Variants in PRDM16 observed in about 807,000 individuals in gnomAD.
PRDM16 encodes the protein histone-lysine N-methyltransferase PRDM16.
A neutral mutation model predicts 110.6 loss-of-function variants in PRDM16; 23 were observed. The ratio of observed to expected loss-of-function variants is 0.21; its 90% confidence interval spans 0.15 to 0.29. The LOEUF (loss-of-function observed/expected upper bound fraction) is 0.29, where lower values mean the gene tolerates loss of function less well. Ranked by LOEUF, PRDM16 falls within the 10% of genes least tolerant of loss-of-function variation. The probability of loss-of-function intolerance (pLI) is 1.00; values close to 1 mark genes in which losing one functional copy is unlikely to be tolerated. For synonymous variants in PRDM16, 799 were observed against 781.8 expected (o/e 1.02, Z -0.37); for missense variants, 1,615 against 1,794.3 (o/e 0.90, Z 1.81).
At chr1:3,158,978 G>C (rs1385623158) in intron 1 of PRDM16, among the ~76,000 whole-genome samples, 1 of 152,150 alleles carries the variant, frequency 6.6e-6, no homozygotes, top group Non-Finnish European at 1.5e-5. Flanking sequence ...CCCCATGTTG[G>C]CCAGGCTGGT....
At chr1:3,383,011 A>T (rs1178453496) in intron 3 of PRDM16, among the ~76,000 whole-genome samples, 1 of 152,112 alleles carries the variant, frequency 6.6e-6, no homozygotes, top group Non-Finnish European at 1.5e-5. Context: ...TAGCCTAGTT[A>T]TGCTTCTTGG....
chr1:3,330,374 G>T (rs547299307), intron 3 of PRDM16, among the ~76,000 whole-genome samples: 7 of 152,214 alleles, frequency 4.6e-5, no homozygotes, highest in Non-Finnish European at 8.8e-5. Flanking sequence ...TTGGCAAGGC[G>T]TCCGCTCAAG....
intron 1 of PRDM16, among the ~76,000 whole-genome samples, chr1:3,100,384 T>A (rs1557445894): frequency 6.6e-6 from 1 of 152,206 alleles, no homozygotes; most frequent in Non-Finnish European, 1.5e-5. Context: ...AGTGGGTGGC[T>A]GAGCCGCTTC....
In PRDM16 at chr1:3,412,504, C is replaced by T. The variant is rs746000528; in HGVS notation, c.2307C>T (p.Ala769=). ...RDALKVGGPS[A]ECPFDLTTKP... ...CCCTCAAGGTGGGCGGCCCCAGTGC[C>T]GAGTGCCCCTTTGATCTCACCACCA... is the stretch of plus-strand genomic sequence containing the variant. Residue 769 remains alanine (A), a synonymous_variant, in exon 9 of 17, where the codon GCC becomes GCT. Coordinates refer to ENST00000270722, the MANE Select transcript of PRDM16 (RefSeq NM_022114.4). 21 of 1,613,212 alleles carry T rather than the reference C, an allele frequency of 1.3e-5. No homozygotes were observed. The highest frequency in any genetic ancestry group is 8.0e-5 in the African/African-American group (6 of 74,940).
rs146310455 is a variant in PRDM16, at chr1:3,142,245, C to G, written c.38-43880C>G. Among the ~76,000 whole-genome samples, 276 of 152,354 alleles carry G rather than the reference C, an allele frequency of 1.8e-3. 1 individual carries two copies. The highest frequency in any genetic ancestry group is 6.4e-3 in the African/African-American group (267 of 41,588). On this transcript the variant is annotated intron_variant, in intron 1 of 16. Transcript: ENST00000270722. ...ACAGCCAGCCAAGACCTTTTGATTT[C>G]TAGAACAAACAGCGATGTCTTAGAC...
chr1:3,393,627 C>G (rs967244762), intron 4 of PRDM16, among the ~76,000 whole-genome samples: 1 of 152,154 alleles, frequency 6.6e-6, no homozygotes, highest in Non-Finnish European at 1.5e-5. Flanking sequence ...GGTCTTTGTC[C>G]CGGGAAGTCG....
intron 3 of PRDM16, among the ~76,000 whole-genome samples, chr1:3,270,138 A>G (rs543861954): frequency 6.8e-6 from 1 of 146,998 alleles, no homozygotes; most frequent in East Asian, 2.1e-4. Context: ...GGGGAGGAGT[A>G]CAGTCCCGGA....
chr1:3,395,353 T>A (rs974256558), intron 4 of PRDM16, among the ~76,000 whole-genome samples: 4 of 152,018 alleles, frequency 2.6e-5, no homozygotes, highest in African/African-American at 7.2e-5. Context: ...GTCCCCTCAA[T>A]CCCTGGGAGC....
At chr1:3,171,285 A>G (rs1446008900) in intron 1 of PRDM16, among the ~76,000 whole-genome samples, 3 of 152,224 alleles carry the variant, frequency 2.0e-5, no homozygotes, top group Non-Finnish European at 4.4e-5. Context: ...CTTGCTCAGC[A>G]TTTAACCCCT....
chr1:3,353,474 T>C lies in PRDM16; in HGVS notation c.439-31678T>C, dbSNP rs1642533497. On this transcript the variant is annotated intron_variant, in intron 3 of 16. Coordinates refer to ENST00000270722, the MANE Select transcript of PRDM16 (RefSeq NM_022114.4). This position sits in a 1 kb window ranked among gnomAD's most constrained non-coding sequence, Gnocchi z 5.4. ...TGGGGTCATTGAGGAATCTCAGCAC[T>C]GGCCCTGGCTTCTGGCAGGCACCTG... 6.6e-6 allele frequency among the ~76,000 whole-genome samples: 1 copy of C among 152,198 alleles called. No homozygotes were observed. Among genetic ancestry groups the C allele is most frequent in the African/African-American group, 2.4e-5 (1 of 41,468 alleles).
At chr1:3,275,960 T>C (rs1185835663) in intron 3 of PRDM16, among the ~76,000 whole-genome samples, 1 of 152,182 alleles carries the variant, frequency 6.6e-6, no homozygotes, top group Admixed American at 6.5e-5. Flanking sequence ...GCCCTGTGGG[T>C]CTGTGCACTC....
intron 2 of PRDM16, among the ~76,000 whole-genome samples, chr1:3,196,603 G>A (rs1399819732): frequency 3.3e-5 from 5 of 152,314 alleles, no homozygotes; most frequent in East Asian, 1.9e-4. Context: ...GCCAGGAACC[G>A]CAGGGGTTCC....
At position 3,190,725 on chromosome 1, in the gene PRDM16, C is replaced by G. The variant is rs1569810145; in HGVS notation, c.387+4251C>G. 6.6e-6 allele frequency among the ~76,000 whole-genome samples: 1 copy of G among 152,220 alleles called. No homozygotes were observed. The highest frequency in any genetic ancestry group is 1.5e-5 in the Non-Finnish European group (1 of 68,040). ...AAATACCACGCCCCGCCGGTCGCCGCCGAAGCCCACCTGCCTGGAGGAAAT... is the reference window on the plus strand; with the variant it reads ...AAATACCACGCCCCGCCGGTCGCCGGCGAAGCCCACCTGCCTGGAGGAAAT... On this transcript the variant is annotated intron_variant, in intron 2 of 16. Transcript: ENST00000270722. This position sits in a 1 kb window ranked among gnomAD's most constrained non-coding sequence, Gnocchi z 5.0.
chr1:3,181,960 A>C (rs1314829181), intron 1 of PRDM16, among the ~76,000 whole-genome samples: 3 of 151,966 alleles, frequency 2.0e-5, no homozygotes, highest in Non-Finnish European at 2.9e-5. Flanking sequence ...AGTCTTACAC[A>C]TGCCTTACAC....
intron 3 of PRDM16, among the ~76,000 whole-genome samples, chr1:3,321,352 GTC>G (rs1641739020): frequency 6.6e-6 from 1 of 150,586 alleles, no homozygotes; most frequent in East Asian, 2.0e-4. Flanking sequence ...TTGTGTGTGG[GTC>G]TGTGTGTGAC....
At chr1:3,134,977 G>A (rs780705669) in intron 1 of PRDM16, among the ~76,000 whole-genome samples, 61 of 152,284 alleles carry the variant, frequency 4.0e-4, no homozygotes, top group African/African-American at 8.7e-4. Context: ...GGGAGCTGCC[G>A]GCCACCCGCA....
At chr1:3,411,122 C>G (rs1000511643) in intron 8 of PRDM16, among the ~76,000 whole-genome samples, 2 of 151,770 alleles carry the variant, frequency 1.3e-5, no homozygotes, top group African/African-American at 4.8e-5. Flanking sequence ...TTGCAGAATA[C>G]ACACACGCCT....
chr1:3,235,336 C>T (rs1377422663), intron 2 of PRDM16, among the ~76,000 whole-genome samples: 1 of 152,200 alleles, frequency 6.6e-6, no homozygotes, highest in Non-Finnish European at 1.5e-5. Flanking sequence ...TTCCCTTTCT[C>T]GTGCTGGAAG....
chr1:3,119,024 C>T lies in PRDM16; in HGVS notation c.37+49728C>T, dbSNP rs1643031478. Among the ~76,000 whole-genome samples, 5 of 152,216 alleles carry T rather than the reference C, an allele frequency of 3.3e-5. No homozygotes were observed. In the South Asian group the frequency reaches 1.0e-3, roughly 31 times the overall value. ...TGACCCCAGAGCAGGCAGGGTGGGT[C>T]CTCCCTGTAGAGCTGGGGGTGGCCC... On this transcript the variant is annotated intron_variant, in intron 1 of 16. Transcript: ENST00000270722.
Sources: gnomAD v4.1 joint callset for allele counts (sites outside exome capture counted in the v4.1 genomes callset) on GRCh38, gnomAD v4.1.1 for gene constraint, Gnocchi (gnomAD v3.1) non-coding constraint, MANE v1.5 for transcripts, NCBI Gene and HGNC (gene_info 2026-07-23, HGNC 2026-07-21) for gene names.